Variants in MIPOL1 observed in about 807,000 individuals in gnomAD.
MIPOL1 encodes mirror-image polydactyly 1.
A neutral mutation model predicts 60.9 loss-of-function variants in MIPOL1; 57 were observed. That is an observed-to-expected ratio of 0.94 (90% confidence interval 0.76 to 1.17). MIPOL1 has a LOEUF of 1.17. MIPOL1 is among the 50% of genes most tolerant of loss of function. The pLI, the probability that MIPOL1 is intolerant of heterozygous loss-of-function variation, is 0.00. For synonymous variants in MIPOL1, 179 were observed against 168.8 expected, an observed-to-expected ratio of 1.06 and a Z score of -0.47; for missense variants, 551 against 511.6, an observed-to-expected ratio of 1.08 and a Z score of -0.74.
intron 12 of MIPOL1, among the ~76,000 whole-genome samples, chr14:37,530,752 C>T (rs1207968338): frequency 6.6e-6 from 1 of 151,864 alleles, no homozygotes; most frequent in Non-Finnish European, 1.5e-5. Context: ...TGAGAATTAT[C>T]AGAAGTAGCC....
At chr14:37,210,342 T>C (rs34503846) in intron 1 of MIPOL1, among the ~76,000 whole-genome samples, 32,023 of 151,758 alleles carry the variant, frequency 0.21, 3,769 homozygotes, top group South Asian at 0.32. Context: ...AAGTTAGCGT[T>C]CCCATTACCT....
intron 10 of MIPOL1, among the ~76,000 whole-genome samples, chr14:37,389,112 G>A (rs572252637): frequency 6.6e-6 from 1 of 152,096 alleles, no homozygotes; most frequent in East Asian, 1.9e-4. Flanking sequence ...TATACTGACC[G>A]CCTTAGGACA....
chr14:37,540,894 T>G (rs2153640579), intron 12 of MIPOL1, among the ~76,000 whole-genome samples: 1 of 152,272 alleles, frequency 6.6e-6, no homozygotes, highest in Non-Finnish European at 1.5e-5. Context: ...TTCTTTGAGG[T>G]TTACATAATC....
chr14:37,199,950 C>A (rs1272151910), intron 1 of MIPOL1, among the ~76,000 whole-genome samples: 1 of 152,194 alleles, frequency 6.6e-6, no homozygotes, highest in Non-Finnish European at 1.5e-5. Context: ...ACTTCAGTGG[C>A]AGCTTGAGAA....
chr14:37,481,612 C>CACAA (rs1555356178), intron 11 of MIPOL1, among the ~76,000 whole-genome samples: 28 of 138,280 alleles, frequency 2.0e-4, no homozygotes, highest in African/African-American at 7.4e-4. Flanking sequence ...CACACACACA[C>CACAA]CGAAACCACA....
chr14:37,321,297 A>T (rs150592871), intron 9 of MIPOL1, among the ~76,000 whole-genome samples: 36 of 152,096 alleles, frequency 2.4e-4, no homozygotes, highest in Admixed American at 2.4e-3. Flanking sequence ...TCTCATTATT[A>T]TATATGTTGA....
intron 7 of MIPOL1, 87 bp downstream of exon 7, chr14:37,285,534 ACTTATG>A (rs1015020704): frequency 8.9e-6 from 12 of 1,346,154 alleles, no homozygotes; most frequent in African/African-American, 5.9e-5. Context: ...TAAAAATGTG[ACTTATG>A]CTTATGTGTT....
chr14:37,396,017 T>G (rs1286724653), intron 10 of MIPOL1, among the ~76,000 whole-genome samples: 1 of 152,136 alleles, frequency 6.6e-6, no homozygotes, highest in African/African-American at 2.4e-5. Flanking sequence ...ATGTTAGTAC[T>G]GAGATGTGAG....
At chr14:37,281,397 T>G (rs1467808700) in intron 6 of MIPOL1, among the ~76,000 whole-genome samples, 1 of 152,166 alleles carries the variant, frequency 6.6e-6, no homozygotes, top group Non-Finnish European at 1.5e-5. Context: ...GCTGTTTTTT[T>G]GTTGTTTTGT....
intron 7 of MIPOL1, among the ~76,000 whole-genome samples, chr14:37,290,206 C>G (rs993076169): frequency 6.6e-6 from 1 of 152,044 alleles, no homozygotes; most frequent in East Asian, 1.9e-4. Flanking sequence ...TTCCCCATCC[C>G]CTTGTGTGTG....
rs1341718799 is a variant in MIPOL1 at position 37,479,358 on chromosome 14, C to T, written c.1032-20550C>T. Among the ~76,000 whole-genome samples, 6 of 152,122 alleles carry T rather than the reference C, an allele frequency of 3.9e-5. No homozygotes were observed. In the South Asian group the frequency reaches 8.3e-4, roughly 21 times the overall value. On this transcript the variant is annotated intron_variant, in intron 11 of 12. Transcript: ENST00000684589. The stretch of plus-strand genomic sequence containing the variant: ...ATCATATCAAGTATTTTTTTGACCA[C>T]GTTAGTATGAACCCTAGAAATCAAG...
intron 9 of MIPOL1, among the ~76,000 whole-genome samples, chr14:37,338,609 G>A (rs10142165): frequency 0.99 from 151,104 of 152,140 alleles, 75,047 homozygotes; most frequent in Middle Eastern, 1. Flanking sequence ...GGCTTTTGCC[G>A]TGTTTCCCAG....
intron 9 of MIPOL1, among the ~76,000 whole-genome samples, chr14:37,314,531 A>G (rs1006089239): frequency 1.3e-5 from 2 of 152,290 alleles, no homozygotes; most frequent in Admixed American, 6.5e-5. Flanking sequence ...CCCTCTTACT[A>G]GAACATACTT....
chr14:37,294,444 A>G (rs912447882), intron 7 of MIPOL1, among the ~76,000 whole-genome samples: 104 of 152,302 alleles, frequency 6.8e-4, no homozygotes, highest in Non-Finnish European at 4.0e-4. Context: ...CAGCAACAGA[A>G]CAAAGCTGGA....
intron 12 of MIPOL1, among the ~76,000 whole-genome samples, chr14:37,529,631 A>G (rs1246170883): frequency 6.6e-6 from 1 of 152,224 alleles, no homozygotes; most frequent in Non-Finnish European, 1.5e-5. Context: ...TGTTCAGTAC[A>G]GGTAATACGG....
chr14:37,538,143 T>C (rs182971238), intron 12 of MIPOL1, among the ~76,000 whole-genome samples: 1 of 152,338 alleles, frequency 6.6e-6, no homozygotes, highest in Admixed American at 6.5e-5. Context: ...CTAGTTGCCA[T>C]ATAATGAGCC....
intron 11 of MIPOL1, among the ~76,000 whole-genome samples, chr14:37,451,839 G>T (rs1217853687): frequency 1.8e-5 from 2 of 112,282 alleles, no homozygotes; most frequent in Admixed American, 9.1e-5. Flanking sequence ...TTTTGAGACG[G>T]AGTCTCGCTC....
At chr14:37,207,670 C>T (rs942421121) in intron 1 of MIPOL1, among the ~76,000 whole-genome samples, 2 of 151,972 alleles carry the variant, frequency 1.3e-5, no homozygotes, top group Non-Finnish European at 1.5e-5. Context: ...TTCAGCCTCC[C>T]GAGTAGCTGG....
intron 10 of MIPOL1, among the ~76,000 whole-genome samples, chr14:37,399,572 A>T (rs754989599): frequency 2.0e-5 from 3 of 152,184 alleles, no homozygotes; most frequent in Admixed American, 6.5e-5. Context: ...TTAAAAATTA[A>T]ACTAGCACTC....
Sources: allele counts gnomAD v4.1 joint callset (sites outside exome capture counted in the v4.1 genomes callset), GRCh38; gene constraint gnomAD v4.1.1; transcripts MANE v1.5; gene names NCBI Gene and HGNC (gene_info 2026-07-23, HGNC 2026-07-21).